The following LRP1B variants were observed in gnomAD, a reference collection of about 807,000 sequenced individuals.
LRP1B encodes the protein LDL receptor related protein 1B.
A neutral mutation model predicts 556.6 loss-of-function variants in LRP1B; 217 were observed. The ratio of observed to expected loss-of-function variants is 0.39; its 90% CI spans 0.35 to 0.44. The LOEUF is 0.44. Ranked by LOEUF, LRP1B falls within the 20% of genes least tolerant of loss-of-function variation. The pLI is 1.00. For synonymous variants in LRP1B, 2,047 were observed against 1,865.8 expected (o/e 1.10, Z -2.50); for missense variants, 5,053 against 5,620.8 (o/e 0.90, Z 3.23).
intron 44 of LRP1B, 78 bp from the exon 45 acceptor site, chr2:140,541,176 A>G (rs576406548): frequency 1.6e-6 from 2 of 1,225,884 alleles, no homozygotes; most frequent in East Asian, 2.4e-5. Context: ...ATCGTAAACT[A>G]TTAGACTGCC....
intron 2 of LRP1B, among the ~76,000 whole-genome samples, chr2:141,674,565 A>T (rs1690803125): frequency 6.6e-6 from 1 of 152,078 alleles, no homozygotes; most frequent in Non-Finnish European, 1.5e-5. Context: ...AATAATAATC[A>T]TACTATTTAA....
At chr2:140,301,887 ATG>A (rs964927857) in intron 83 of LRP1B, among the ~76,000 whole-genome samples, 31 of 151,766 alleles carry the variant, frequency 2.0e-4, no homozygotes, top group Admixed American at 1.7e-3. Flanking sequence ...ATGTATGTGT[ATG>A]TGTGTGTATA....
chr2:140,728,499 G>C, intron 35 of LRP1B, among the ~76,000 whole-genome samples: 1 of 152,214 alleles, frequency 6.6e-6, no homozygotes, highest in Middle Eastern at 3.4e-3. Context: ...ATCTTCAGGG[G>C]ACCAGCAACC....
At chr2:141,061,448 G>A (rs1225163344) in intron 8 of LRP1B, among the ~76,000 whole-genome samples, 1 of 151,700 alleles carries the variant, frequency 6.6e-6, no homozygotes, top group East Asian at 1.9e-4. Context: ...TCTACTTAGA[G>A]ATCTCTTTTA....
At chr2:140,608,316 G>A (rs1309117263) in intron 41 of LRP1B, among the ~76,000 whole-genome samples, 1 of 152,158 alleles carries the variant, frequency 6.6e-6, no homozygotes, top group African/African-American at 2.4e-5. Context: ...TGCTAATCCT[G>A]CTGGTTCCAG....
At chr2:141,074,565 C>CTCTG (rs199694510) in intron 7 of LRP1B, among the ~76,000 whole-genome samples, 24,912 of 99,368 alleles carry the variant, frequency 0.25, 2,294 homozygotes, top group East Asian at 0.49. Flanking sequence ...CTTTCTGTCT[C>CTCTG]TCTGTCTCTC....
At chr2:141,967,807 A>G (rs973031989) in intron 1 of LRP1B, among the ~76,000 whole-genome samples, 14 of 151,886 alleles carry the variant, frequency 9.2e-5, no homozygotes, top group Admixed American at 6.6e-5. Context: ...GATATTTACT[A>G]TAAGCCTGTT....
chr2:141,818,077 C>T (rs1240485435), intron 1 of LRP1B, among the ~76,000 whole-genome samples: 1 of 152,132 alleles, frequency 6.6e-6, no homozygotes, highest in East Asian at 1.9e-4. Flanking sequence ...TATTTATTGT[C>T]TCTACATCTC....
At chr2:140,824,627 G>A (rs1691442680) in intron 31 of LRP1B, among the ~76,000 whole-genome samples, 2 of 152,040 alleles carry the variant, frequency 1.3e-5, no homozygotes, top group Admixed American at 1.3e-4. Flanking sequence ...CAACCCAGGT[G>A]CATATACATA....
chr2:140,362,702 C>T (rs1462405942), intron 72 of LRP1B, among the ~76,000 whole-genome samples: 1 of 151,650 alleles, frequency 6.6e-6, no homozygotes, highest in East Asian at 1.9e-4. Flanking sequence ...GCCTTTTCAT[C>T]TATTCAGCAG....
intron 43 of LRP1B, among the ~76,000 whole-genome samples, chr2:140,589,915 G>A (rs929621437): frequency 6.6e-6 from 1 of 152,106 alleles, no homozygotes; most frequent in African/African-American, 2.4e-5. Context: ...TGGAATGAAG[G>A]AAATGTTCTG....
chr2:141,821,787 C>T (rs1338941218), intron 1 of LRP1B, among the ~76,000 whole-genome samples: 1 of 151,994 alleles, frequency 6.6e-6, no homozygotes, highest in Non-Finnish European at 1.5e-5. Context: ...CTGCAGATGG[C>T]AATTTGTACT....
chr2:141,157,853 T>C (rs1180491793), intron 7 of LRP1B, among the ~76,000 whole-genome samples: 1 of 152,144 alleles, frequency 6.6e-6, no homozygotes, highest in Non-Finnish European at 1.5e-5. Flanking sequence ...AAAACCCTCA[T>C]TGGTGTAATT....
At chr2:141,299,606 T>A (rs1410704678) in intron 3 of LRP1B, among the ~76,000 whole-genome samples, 1 of 152,216 alleles carries the variant, frequency 6.6e-6, no homozygotes, top group Non-Finnish European at 1.5e-5. Context: ...AATATCACCA[T>A]CTTCCTTTCT....
At chr2:140,926,492 C>A (rs1016977447) in intron 20 of LRP1B, among the ~76,000 whole-genome samples, 1 of 151,950 alleles carries the variant, frequency 6.6e-6, no homozygotes, top group Non-Finnish European at 1.5e-5. Context: ...CAGGTGTGTG[C>A]CACTGCACCC....
chr2:141,944,914 G>T (rs948210570), intron 1 of LRP1B, among the ~76,000 whole-genome samples: 3 of 152,118 alleles, frequency 2.0e-5, no homozygotes, highest in Admixed American at 6.6e-5. Flanking sequence ...TTTCTGTCAA[G>T]AGTAAGCGTA....
intron 3 of LRP1B, among the ~76,000 whole-genome samples, chr2:141,288,264 T>C (rs985129078): frequency 2.5e-4 from 38 of 151,588 alleles, no homozygotes; most frequent in African/African-American, 8.9e-4. Context: ...TTTTCAACTG[T>C]CCTTTGTATT....
At chr2:141,929,161 C>T (rs1700418100) in intron 1 of LRP1B, among the ~76,000 whole-genome samples, 1 of 151,958 alleles carries the variant, frequency 6.6e-6, no homozygotes, top group African/African-American at 2.4e-5. Flanking sequence ...TTCAAATGCT[C>T]CAGAGACACT....
intron 86 of LRP1B, among the ~76,000 whole-genome samples, chr2:140,251,140 G>A (rs1449871066): frequency 2.0e-5 from 3 of 151,694 alleles, no homozygotes; most frequent in African/African-American, 4.8e-5. Flanking sequence ...GAATAACTTC[G>A]TATAAAAGCT....
Sources: gnomAD v4.1 joint callset for allele counts (sites outside exome capture counted in the v4.1 genomes callset) on GRCh38, gnomAD v4.1.1 for gene constraint, MANE v1.5 for transcripts, NCBI Gene and HGNC (gene_info 2026-07-23, HGNC 2026-07-21) for gene names.